The following LYZL1 variants were observed in gnomAD, a reference collection of about 807,000 sequenced individuals.
LYZL1 encodes the protein lysozyme-like protein 1.
LYZL1 carries 16 observed loss-of-function variants against 17.9 expected under a neutral mutation model. The ratio of observed to expected loss-of-function variants is 0.90; its 90% CI spans 0.61 to 1.36. The LOEUF (loss-of-function observed/expected upper bound fraction) is 1.36. Among genes scored for constraint, LYZL1 ranks in the 40% most tolerant of loss-of-function variants. LYZL1 has a pLI of 0.00. For missense variants in LYZL1, 149 were observed against 188.4 expected, an observed-to-expected ratio of 0.79 and a Z score of 1.22; for synonymous variants, 58 against 71.8, an observed-to-expected ratio of 0.81 and a Z score of 0.97.
At chr10:29,297,330 C>G (rs1179000051) in intron 3 of LYZL1, among the ~76,000 whole-genome samples, 1 of 152,102 alleles carries the variant, frequency 6.6e-6, no homozygotes, top group Non-Finnish European at 1.5e-5. Flanking sequence ...AGATAGCACA[C>G]AACCTTTAAA....
intron 3 of LYZL1, among the ~76,000 whole-genome samples, chr10:29,295,154 A>G (rs1835431312): frequency 1.3e-5 from 2 of 152,226 alleles, no homozygotes; most frequent in African/African-American, 4.8e-5. Flanking sequence ...TTGATAAAGA[A>G]TGATCACTAC....
At chr10:29,316,256 T>C (rs533658246) in intron 3 of LYZL1, among the ~76,000 whole-genome samples, 1 of 152,192 alleles carries the variant, frequency 6.6e-6, no homozygotes, top group Non-Finnish European at 1.5e-5. Context: ...CCTTCTCTCA[T>C]CTGATTCCAC....
chr10:29,313,055 C>A (rs571012410), downstream of LYZL1, among the ~76,000 whole-genome samples: 1 of 152,086 alleles, frequency 6.6e-6, no homozygotes, highest in Non-Finnish European at 1.5e-5. Context: ...TCCTTTCCTG[C>A]CCACCGGCTT....
chr10:29,318,236 T>G, exon 5 of LYZL1: 1 of 968,588 alleles, frequency 1.0e-6, no homozygotes, highest in Non-Finnish European at 1.2e-6. Context: ...ACAACCCCAG[T>G]GGCAACATAA....
At chr10:29,290,673 T>A (rs910267114) in intron 1 of LYZL1, among the ~76,000 whole-genome samples, 1 of 152,034 alleles carries the variant, frequency 6.6e-6, no homozygotes, top group Non-Finnish European at 1.5e-5. Flanking sequence ...ACCTCATCTA[T>A]ACTAGAAACA....
chr10:29,301,287 C>T (rs898539069), intron 3 of LYZL1, among the ~76,000 whole-genome samples: 6 of 152,170 alleles, frequency 3.9e-5, no homozygotes, highest in African/African-American at 1.4e-4. Context: ...TGAGGCCTCC[C>T]CAGCCATGTG....
At position 29,293,543 on chromosome 10, in the gene LYZL1, C is replaced by T. The variant is rs117454893; in HGVS notation, c.298+866C>T. On this transcript the variant is annotated intron_variant, in intron 3 of 4. Coordinates refer to ENST00000649382, the MANE Select transcript of LYZL1 (RefSeq NM_032517.6). ...GCACAGCATTGAGGATAACAAAATA[C>T]ATCAGGCATGAATTCTGCTTTACCG... 3.7e-4 allele frequency among the ~76,000 whole-genome samples: 56 copies of T among 152,284 alleles called. 1 individual carries two copies. The East Asian group carries it at 8.1e-3, about 22-fold the overall frequency.
downstream of LYZL1, among the ~76,000 whole-genome samples, chr10:29,314,315 C>T (rs1244714681): frequency 6.6e-6 from 1 of 152,178 alleles, no homozygotes; most frequent in East Asian, 1.9e-4. Flanking sequence ...GCTATATTTC[C>T]ACAATCCCTG....
intron 3 of LYZL1, among the ~76,000 whole-genome samples, chr10:29,294,035 A>G (rs1398980932): frequency 6.6e-6 from 1 of 152,036 alleles, no homozygotes; most frequent in East Asian, 1.9e-4. Context: ...GTGATATTTG[A>G]CCCGAGACTT....
At chr10:29,306,796 ATGTG>A (rs35332190) in intron 3 of LYZL1, among the ~76,000 whole-genome samples, 1,830 of 140,934 alleles carry the variant, frequency 0.013, 10 homozygotes, top group African/African-American at 0.02. Context: ...CCGCTTATGT[ATGTG>A]TGTGTGTGTG....
At chr10:29,312,687 GC>G (rs1369946199), downstream of LYZL1, among the ~76,000 whole-genome samples, 1 of 152,176 alleles carries the variant, frequency 6.6e-6, no homozygotes, top group Non-Finnish European at 1.5e-5. Flanking sequence ...TTCCCAGGAT[GC>G]CTTCTGCTCC....
intron 3 of LYZL1, among the ~76,000 whole-genome samples, chr10:29,298,684 G>A (rs1835477468): frequency 6.6e-6 from 1 of 152,190 alleles, no homozygotes; most frequent in African/African-American, 2.4e-5. Context: ...AGGGAGAAAG[G>A]CAAGAGGAAT....
intron 3 of LYZL1, among the ~76,000 whole-genome samples, chr10:29,306,900 C>T (rs1370341683): frequency 1.3e-5 from 2 of 150,826 alleles, no homozygotes; most frequent in East Asian, 3.9e-4. Context: ...TGTCACCCAG[C>T]CTGAAGTGCG....
At chr10:29,314,578 C>T (rs1284275386), downstream of LYZL1, among the ~76,000 whole-genome samples, 1 of 152,102 alleles carries the variant, frequency 6.6e-6, no homozygotes, top group Admixed American at 6.5e-5. Context: ...CTAGCCACTG[C>T]ACTCCAGCCT....
At chr10:29,289,472 G>T (rs1422454290) in intron 1 of LYZL1, among the ~76,000 whole-genome samples, 1 of 145,414 alleles carries the variant, frequency 6.9e-6, no homozygotes, top group South Asian at 2.2e-4. Context: ...AGGCTGGAGT[G>T]CAGTGTCACA....
At chr10:29,297,872 G>C (rs1262831931) in intron 3 of LYZL1, among the ~76,000 whole-genome samples, 2 of 152,120 alleles carry the variant, frequency 1.3e-5, no homozygotes, top group African/African-American at 4.8e-5. Context: ...AAAAAATCAA[G>C]CATCAGAGTG....
intron 1 of LYZL1, 137 bp downstream of exon 1, chr10:29,289,367 G>T: frequency 1.8e-6 from 1 of 565,740 alleles, no homozygotes; most frequent in Non-Finnish European, 2.9e-6. Flanking sequence ...GGCAGGGGAT[G>T]GAAACCAACT....
At chr10:29,298,392 T>A (rs2132821664) in intron 3 of LYZL1, among the ~76,000 whole-genome samples, 1 of 152,232 alleles carries the variant, frequency 6.6e-6, no homozygotes, top group Non-Finnish European at 1.5e-5. Context: ...AACCTCAGTG[T>A]CCCTCCTCTG....
At chr10:29,294,952 C>T (rs556280263) in intron 3 of LYZL1, among the ~76,000 whole-genome samples, 1 of 152,166 alleles carries the variant, frequency 6.6e-6, no homozygotes, top group African/African-American at 2.4e-5. Flanking sequence ...TATGTAAGCA[C>T]CTTCTCTCTG....
Sources: allele counts gnomAD v4.1 joint callset (sites outside exome capture counted in the v4.1 genomes callset), GRCh38; gene constraint gnomAD v4.1.1; transcripts MANE v1.5; gene names NCBI Gene and HGNC (gene_info 2026-07-23, HGNC 2026-07-21).